Variants in MSANTD7 observed in about 807,000 individuals in gnomAD.
MSANTD7 encodes zinc finger and SCAN domain containing 29.
the MSANTD7 span, among the ~76,000 whole-genome samples, chr10:14,839,071 C>T: frequency 2.0e-4 from 31 of 152,304 alleles, no homozygotes; most frequent in African/African-American, 7.2e-4. Context: ...CGCAAAGCTG[C>T]CTGGCTGTGA....
chr10:14,842,853 C>T, the MSANTD7 span: 3 of 1,516,348 alleles, frequency 2.0e-6, no homozygotes, highest in Non-Finnish European at 2.6e-6. This position sits in a 1 kb window ranked among gnomAD's most constrained non-coding sequence, Gnocchi z 5.2. Context: ...GCAGGTAACT[C>T]CCAAGCATGT....
chr10:14,842,521 C>T, the MSANTD7 span: 2 of 1,536,118 alleles, frequency 1.3e-6, no homozygotes, highest in Middle Eastern at 1.7e-4. The surrounding 1 kb of genome is among the most constrained non-coding windows in gnomAD (Gnocchi z 5.2). Flanking sequence ...CCTATGTTGC[C>T]CATGCCACAA....
the MSANTD7 span, chr10:14,838,589 C>A: frequency 1.1e-6 from 1 of 878,766 alleles, no homozygotes; most frequent in Non-Finnish European, 1.7e-6. Context: ...GCCGCGAGGA[C>A]ACTCCGGAGC....
the MSANTD7 span, among the ~76,000 whole-genome samples, chr10:14,841,765 G>A: frequency 8.5e-5 from 13 of 152,176 alleles, no homozygotes; most frequent in African/African-American, 1.4e-4. Context: ...GAGCCACAGC[G>A]TGCTGTGATT....
chr10:14,838,632 C>T, the MSANTD7 span: 27 of 601,404 alleles, frequency 4.5e-5, no homozygotes, highest in Non-Finnish European at 6.9e-5. Context: ...TCGCGCCTGG[C>T]GATTCCTCCG....
the MSANTD7 span, chr10:14,845,569 C>A: frequency 2.1e-6 from 2 of 961,284 alleles, no homozygotes; most frequent in Non-Finnish European, 2.5e-6. Context: ...TTTCATCAGA[C>A]AAATCACTTG....
At chr10:14,839,991 A>T in the MSANTD7 span, 1 of 1,601,790 alleles carries the variant, frequency 6.2e-7, no homozygotes. Context: ...AAGAGGTACT[A>T]GTCCCCCCAT....
At chr10:14,842,006 A>G in the MSANTD7 span, 16 of 610,880 alleles carry the variant, frequency 2.6e-5, no homozygotes, top group African/African-American at 2.0e-4. This position sits in a 1 kb window ranked among gnomAD's most constrained non-coding sequence, Gnocchi z 5.2. Context: ...GTGAACTCCC[A>G]AAGTTGGGCT....
chr10:14,839,880 A>G, the MSANTD7 span: 1 of 1,575,188 alleles, frequency 6.3e-7, no homozygotes, highest in Non-Finnish European at 8.7e-7. Flanking sequence ...TAATGAGACT[A>G]TGTATTTCGT....
At chr10:14,839,134 C>T in the MSANTD7 span, among the ~76,000 whole-genome samples, 1 of 152,208 alleles carries the variant, frequency 6.6e-6, no homozygotes, top group South Asian at 2.1e-4. Context: ...AAGTGAGAGC[C>T]TGACAGGACT....
At chr10:14,843,963 C>T in the MSANTD7 span, 1 of 1,510,774 alleles carries the variant, frequency 6.6e-7, no homozygotes, top group Non-Finnish European at 8.8e-7. Context: ...CCTTCTGAAT[C>T]CCTGGCTCCT....
chr10:14,840,041 A>AATATAT, the MSANTD7 span: 1 of 1,194,508 alleles, frequency 8.4e-7, no homozygotes, highest in Non-Finnish European at 1.1e-6. Context: ...CATACATTGT[A>AATATAT]ATATATATAT....
the MSANTD7 span, chr10:14,846,992 T>A: frequency 1.0e-6 from 1 of 985,454 alleles, no homozygotes; most frequent in Non-Finnish European, 1.2e-6. Context: ...AGTTTTCACT[T>A]GTATGTAGTT....
the MSANTD7 span, chr10:14,842,347 C>G: frequency 6.5e-7 from 1 of 1,536,140 alleles, no homozygotes; most frequent in South Asian, 1.2e-5. The surrounding 1 kb of genome is among the most constrained non-coding windows in gnomAD (Gnocchi z 5.2). Context: ...GAACTCTTCT[C>G]TCCATACTAG....
chr10:14,840,011 T>C, the MSANTD7 span: 1 of 1,552,932 alleles, frequency 6.4e-7, no homozygotes, highest in South Asian at 1.2e-5. Flanking sequence ...TTTTTGTACT[T>C]CTGAAATAAT....
the MSANTD7 span, chr10:14,842,942 T>A: frequency 1.7e-5 from 16 of 925,194 alleles, no homozygotes; most frequent in Non-Finnish European, 2.4e-5. The surrounding 1 kb of genome is among the most constrained non-coding windows in gnomAD (Gnocchi z 5.2). Context: ...TCAGCATAGT[T>A]CCTGTTTCTG....
chr10:14,838,750 C>T, the MSANTD7 span, among the ~76,000 whole-genome samples: 1 of 152,066 alleles, frequency 6.6e-6, no homozygotes, highest in African/African-American at 2.4e-5. Flanking sequence ...GACGTAGCTG[C>T]AGGGTGCCCG....
At chr10:14,838,441 C>T in the MSANTD7 span, 9 of 1,606,186 alleles carry the variant, frequency 5.6e-6, no homozygotes, top group African/African-American at 8.0e-5. Flanking sequence ...GCACCTCAGC[C>T]TGTGTGGCCG....
the MSANTD7 span, chr10:14,846,944 T>A: frequency 3.0e-6 from 3 of 985,440 alleles, no homozygotes; most frequent in Non-Finnish European, 3.6e-6. Flanking sequence ...CTCACCACCT[T>A]TGTTTTTCTG....
Sources: allele counts gnomAD v4.1 joint callset (sites outside exome capture counted in the v4.1 genomes callset), GRCh38; gene constraint gnomAD v4.1.1; non-coding constraint Gnocchi (gnomAD v3.1); transcripts MANE v1.5; gene names NCBI Gene and HGNC (gene_info 2026-07-23, HGNC 2026-07-21).